QTMAN: variants seen among roughly 807,000 people sequenced by gnomAD.
QTMAN encodes the protein queuosine-tRNA mannosyltransferase.
chr2:144,071,030 T>A, the QTMAN span, among the ~76,000 whole-genome samples: 1 of 152,166 alleles, frequency 6.6e-6, no homozygotes, highest in Admixed American at 6.5e-5. Context: ...AAGAGGGTTG[T>A]TATTTACAGG....
At chr2:144,118,378 A>G in the QTMAN span, among the ~76,000 whole-genome samples, 3 of 152,226 alleles carry the variant, frequency 2.0e-5, no homozygotes, top group African/African-American at 7.2e-5. Flanking sequence ...TTCAACTATG[A>G]ACTGTTGAAT....
chr2:143,939,642 CCT>C, the QTMAN span: 1 of 151,942 alleles, frequency 6.6e-6, no homozygotes, highest in Non-Finnish European at 1.5e-5. Flanking sequence ...TATAATTGTC[CCT>C]GTTTATCTCC....
At chr2:143,991,826 G>T in the QTMAN span, among the ~76,000 whole-genome samples, 1 of 149,584 alleles carries the variant, frequency 6.7e-6, no homozygotes, top group African/African-American at 2.5e-5. Context: ...CGTCCGGGAG[G>T]TGAGGGGCAC....
chr2:144,124,645 C>G, the QTMAN span, among the ~76,000 whole-genome samples: 11 of 152,126 alleles, frequency 7.2e-5, no homozygotes, highest in East Asian at 2.1e-3. Context: ...ATTCTATGTA[C>G]CAAAGTTTAT....
chr2:144,133,330 T>TATATAAATATATATGTTC, the QTMAN span, among the ~76,000 whole-genome samples: 1 of 45,626 alleles, frequency 2.2e-5, no homozygotes, highest in African/African-American at 7.9e-5. Context: ...TATATATACA[T>TATATAAATATATATGTTC]ATATAAATAT....
chr2:144,328,554 C>T, the QTMAN span, among the ~76,000 whole-genome samples: 4 of 152,190 alleles, frequency 2.6e-5, no homozygotes, highest in African/African-American at 7.2e-5. Flanking sequence ...ATGCTCAGGG[C>T]ACCAGAATAA....
At chr2:144,127,417 A>G in the QTMAN span, among the ~76,000 whole-genome samples, 37 of 152,178 alleles carry the variant, frequency 2.4e-4, no homozygotes, top group African/African-American at 8.7e-4. Flanking sequence ...AATGACTAGG[A>G]CTTACATTGT....
At chr2:144,287,296 G>A in the QTMAN span, among the ~76,000 whole-genome samples, 52 of 152,166 alleles carry the variant, frequency 3.4e-4, no homozygotes, top group African/African-American at 1.1e-3. Context: ...TTAGCTGGGC[G>A]TGGTGGCGTG....
At chr2:144,254,725 A>C in the QTMAN span, among the ~76,000 whole-genome samples, 2 of 152,320 alleles carry the variant, frequency 1.3e-5, no homozygotes, top group Admixed American at 1.3e-4. Flanking sequence ...AGCCACAGAC[A>C]CTAAACACGA....
the QTMAN span, among the ~76,000 whole-genome samples, chr2:144,329,418 G>A: frequency 6.6e-6 from 1 of 152,106 alleles, no homozygotes; most frequent in Non-Finnish European, 1.5e-5. Context: ...TGCCAAGGTA[G>A]TCCAAACTCT....
At chr2:144,303,368 TGAA>T in the QTMAN span, among the ~76,000 whole-genome samples, 1 of 152,120 alleles carries the variant, frequency 6.6e-6, no homozygotes, top group African/African-American at 2.4e-5. Context: ...TTGTGAATAA[TGAA>T]GATGATTTAT....
chr2:144,018,039 A>G, the QTMAN span, among the ~76,000 whole-genome samples: 4 of 152,158 alleles, frequency 2.6e-5, no homozygotes, highest in African/African-American at 9.7e-5. Flanking sequence ...AAATTAATAT[A>G]TTCCTCCATT....
chr2:144,331,876 G>GT, the QTMAN span, among the ~76,000 whole-genome samples: 46 of 152,324 alleles, frequency 3.0e-4, no homozygotes, highest in African/African-American at 9.6e-4. Flanking sequence ...GGGAGGTCTG[G>GT]TAACTGAGGG....
At chr2:144,325,013 A>C in the QTMAN span, among the ~76,000 whole-genome samples, 1 of 152,048 alleles carries the variant, frequency 6.6e-6, no homozygotes, top group African/African-American at 2.4e-5. Context: ...AATCCATAAA[A>C]TTTTCATTTC....
At chr2:144,288,331 T>A in the QTMAN span, among the ~76,000 whole-genome samples, 1 of 152,194 alleles carries the variant, frequency 6.6e-6, no homozygotes, top group Non-Finnish European at 1.5e-5. Flanking sequence ...TCTTTCTATA[T>A]AAATTTAAAG....
chr2:144,283,286 C>T, the QTMAN span, among the ~76,000 whole-genome samples: 15 of 152,074 alleles, frequency 9.9e-5, no homozygotes, highest in African/African-American at 2.9e-4. Context: ...TATCTCCAGG[C>T]AGATAATGTC....
At chr2:144,071,172 C>G in the QTMAN span, among the ~76,000 whole-genome samples, 1 of 150,066 alleles carries the variant, frequency 6.7e-6, no homozygotes, top group Non-Finnish European at 1.5e-5. Flanking sequence ...AAAAACCTTA[C>G]TAAAATAAAC....
the QTMAN span, among the ~76,000 whole-genome samples, chr2:144,114,667 CAT>C: frequency 6.7e-6 from 1 of 149,478 alleles, no homozygotes; most frequent in African/African-American, 2.5e-5. Context: ...GTTGTATGCA[CAT>C]GAGTAGTGCC....
the QTMAN span, among the ~76,000 whole-genome samples, chr2:144,129,928 T>C: frequency 1.3e-5 from 2 of 152,002 alleles, no homozygotes; most frequent in East Asian, 1.9e-4. Flanking sequence ...GAGTCAAATA[T>C]AGTAAGAACA....
Sources: allele counts gnomAD v4.1 joint callset (sites outside exome capture counted in the v4.1 genomes callset), GRCh38; gene constraint gnomAD v4.1.1; transcripts MANE v1.5; gene names NCBI Gene and HGNC (gene_info 2026-07-23, HGNC 2026-07-21).